The following NEBL variants were observed in gnomAD, a reference collection of about 807,000 sequenced individuals.
The protein encoded by NEBL is LIM and SH3 protein 2.
In NEBL, 122 loss-of-function variants were observed where a neutral mutation model predicts 140.2. That is an observed-to-expected ratio of 0.87 (90% CI 0.75 to 1.01). The LOEUF (loss-of-function observed/expected upper bound fraction) is 1.01. NEBL is among the 50% of genes least tolerant of loss of function. The probability of loss-of-function intolerance (pLI) is 0.00; values close to 1 mark genes in which losing one functional copy is unlikely to be tolerated. For missense variants in NEBL, 1,365 were observed against 1,231.3 expected, an observed-to-expected ratio of 1.11 and a Z score of -1.62; for synonymous variants, 436 against 398.9, an observed-to-expected ratio of 1.09 and a Z score of -1.11.
chr10:20,868,725 G>T lies in NEBL; in HGVS notation c.623C>A (p.Pro208His), dbSNP rs1305253542. Residue 208 changes from proline to histidine, a missense_variant, in exon 7 of 28, where the codon CCC (proline) becomes CAC (histidine). Pro to His is a moderately conservative substitution (Grantham distance 77). Around this residue, in one of 2 missense-constraint regions of NEBL, gnomAD observed 1,323 missense variants for 1,154.8 expected, o/e 1.15. Coordinates refer to ENST00000377122, the MANE Select transcript of NEBL (RefSeq NM_006393.3). ...KKGQGIMNKEPAVIGRPDFEH... is the reference protein window; with the variant it reads ...KKGQGIMNKEHAVIGRPDFEH... The stretch of plus-strand genomic sequence containing the variant: ...AAAATCTGGTCTTCCAATTACAGCG[G>T]GCTCTTTATTCATTATTCCTTGTCC... The T allele has an allele frequency of 6.2e-7, 1 of 1,612,548 alleles. No individual in the cohort carries two copies. The highest frequency in any genetic ancestry group is 1.3e-5 in the African/African-American group (1 of 74,924).
At chr10:21,008,969 A>G (rs1191887105) in intron 3 of NEBL, among the ~76,000 whole-genome samples, 1 of 151,738 alleles carries the variant, frequency 6.6e-6, no homozygotes, top group African/African-American at 2.4e-5. Context: ...CCATATACAT[A>G]CACACTCCTA....
At position 21,067,814 on chromosome 10, in the gene NEBL, C is replaced by CA. The variant is rs547417135; in HGVS notation, c.165-47614dup. Among the ~76,000 whole-genome samples, 6 of 150,728 alleles carry CA rather than the reference C, an allele frequency of 4.0e-5. No individual in the cohort carries two copies. In the East Asian group the frequency reaches 7.8e-4, roughly 20 times the overall value. The stretch of plus-strand genomic sequence containing the variant: ...CAACATAATGAGAACTTGTCTCTAC[C>CA]AAAAAAAAATTAAAACATCAGCTGG... On this transcript the variant is annotated intron_variant, in intron 2 of 6. Coordinates refer to the NEBL transcript ENST00000417816.
In NEBL at chr10:21,138,701, C is replaced by T. The variant is rs1043969956; in HGVS notation, c.164+33682G>A. The stretch of plus-strand genomic sequence containing the variant: ...CCTGCAAGGTACCCACAGGAGGCTC[C>T]GAGAGGTTTGGTAACTTGCCCAGAG... On this transcript the variant is annotated intron_variant, in intron 2 of 6. Transcript: ENST00000417816. 4.0e-5 allele frequency among the ~76,000 whole-genome samples: 6 copies of T among 151,884 alleles called. No homozygotes were observed. In the East Asian group the frequency reaches 5.8e-4, roughly 15 times the overall value.
intron 3 of NEBL, among the ~76,000 whole-genome samples, chr10:20,979,803 C>T (rs540761600): frequency 6.6e-6 from 1 of 152,072 alleles, no homozygotes; most frequent in East Asian, 1.9e-4. Context: ...AACTCTTGTG[C>T]TCAAGCAATC....
intron 2 of NEBL, among the ~76,000 whole-genome samples, chr10:21,081,974 C>T (rs1044245153): frequency 1.3e-5 from 2 of 152,164 alleles, no homozygotes; most frequent in African/African-American, 4.8e-5. Flanking sequence ...CAGGATACAT[C>T]ATGTCAATTA....
rs1041251697 is a variant in NEBL at position 20,780,461 on chromosome 10, A to T, written c.*5286T>A. 7.9e-5 allele frequency: 12 copies of T among 152,158 alleles called. No individual in the cohort carries two copies. The highest frequency in any genetic ancestry group is 1.3e-4 in the Non-Finnish European group (9 of 68,028). 9.4% of individuals were successfully genotyped at this position (152,158 alleles called of 1,614,324 possible). A position where few individuals can be genotyped will look rare whatever the true frequency, so the allele number is the denominator to read the frequency against. On this transcript the variant is annotated 3_prime_UTR_variant, in exon 28 of 28. Transcript: ENST00000377122. ...TACAACTAAGTTTATTTGGGGGAGG[A>T]AAATATCTTGACTGATTCACCAATG...
At chr10:20,917,636 T>G (rs1445736871) in intron 4 of NEBL, among the ~76,000 whole-genome samples, 1 of 152,190 alleles carries the variant, frequency 6.6e-6, no homozygotes, top group Non-Finnish European at 1.5e-5. Flanking sequence ...TTATGCAAAT[T>G]TTGACATAAA....
intron 1 of NEBL, among the ~76,000 whole-genome samples, chr10:21,257,470 C>T (rs1052639977): frequency 5.9e-5 from 9 of 152,136 alleles, no homozygotes; most frequent in African/African-American, 2.2e-4. Flanking sequence ...ATGTAAAGTG[C>T]CTGGCACATA....
upstream of NEBL, among the ~76,000 whole-genome samples, chr10:21,177,728 CTG>C: frequency 2.0e-5 from 3 of 152,122 alleles, no homozygotes; most frequent in African/African-American, 7.2e-5. Context: ...TGGGGTTTCA[CTG>C]CGTTAGCCAG....
intron 2 of NEBL, among the ~76,000 whole-genome samples, chr10:21,039,257 T>C (rs1289936537): frequency 2.6e-5 from 4 of 152,304 alleles, no homozygotes; most frequent in Admixed American, 2.0e-4. Flanking sequence ...ATTTTGGCTT[T>C]TGTTGCCATT....
chr10:21,219,258 A>C (rs921728604), intron 3 of NEBL, among the ~76,000 whole-genome samples: 7 of 152,234 alleles, frequency 4.6e-5, no homozygotes, highest in Middle Eastern at 3.2e-3. Flanking sequence ...GAAATTAAAA[A>C]TGTATTTTTT....
intron 6 of NEBL, 64 bp downstream of exon 6, chr10:20,869,676 C>G: frequency 4.6e-6 from 5 of 1,080,658 alleles, no homozygotes; most frequent in Non-Finnish European, 7.2e-6. Flanking sequence ...ACCACTGAAG[C>G]TATGCTTTGC....
chr10:21,261,619 C>A (rs1842740276), intron 1 of NEBL, among the ~76,000 whole-genome samples: 1 of 151,398 alleles, frequency 6.6e-6, no homozygotes, highest in South Asian at 2.1e-4. Context: ...TGCACACCAT[C>A]CCAGGTAACA....
At chr10:21,068,202 C>G (rs186320822) in intron 2 of NEBL, among the ~76,000 whole-genome samples, 61 of 152,240 alleles carry the variant, frequency 4.0e-4, no homozygotes, top group Admixed American at 3.3e-3. Flanking sequence ...GTGTTGAACA[C>G]TTTTATAAAG....
At chr10:20,830,007 T>C (rs998223810) in intron 16 of NEBL, among the ~76,000 whole-genome samples, 1 of 152,176 alleles carries the variant, frequency 6.6e-6, no homozygotes, top group Non-Finnish European at 1.5e-5. Flanking sequence ...GTTTAATGCA[T>C]TGACTTAGGA....
At chr10:20,882,695 A>G (rs931412608) in intron 4 of NEBL, among the ~76,000 whole-genome samples, 1 of 152,134 alleles carries the variant, frequency 6.6e-6, no homozygotes, top group Non-Finnish European at 1.5e-5. Context: ...GATTAATGTG[A>G]TAAGTCGGAT....
At chr10:20,845,888 T>C (rs1841889610) in intron 11 of NEBL, among the ~76,000 whole-genome samples, 1 of 152,194 alleles carries the variant, frequency 6.6e-6, no homozygotes, top group Non-Finnish European at 1.5e-5. Flanking sequence ...GGTTTCCCTT[T>C]AATGATTTTG....
intron 4 of NEBL, among the ~76,000 whole-genome samples, chr10:20,907,567 AT>A (rs1406707057): frequency 1.3e-5 from 2 of 152,198 alleles, no homozygotes; most frequent in Non-Finnish European, 2.9e-5. Context: ...TAAGCAAACC[AT>A]TCGTTCATCA....
chr10:20,865,764 C>T (rs1039623862), intron 7 of NEBL, among the ~76,000 whole-genome samples: 1 of 152,158 alleles, frequency 6.6e-6, no homozygotes, highest in African/African-American at 2.4e-5. Flanking sequence ...TATAAAGTCG[C>T]TTTATAAGTG....
Sources: allele counts gnomAD v4.1 joint callset (sites outside exome capture counted in the v4.1 genomes callset), GRCh38; gene constraint gnomAD v4.1.1; regional missense constraint gnomAD v4.1.1; transcripts MANE v1.5; gene names NCBI Gene and HGNC (gene_info 2026-07-23, HGNC 2026-07-21).